NAPB: variants seen among roughly 807,000 people sequenced by gnomAD.
NAPB encodes NSF attachment protein beta, also known as beta-soluble NSF attachment protein.
Under a neutral mutation model 44.7 loss-of-function variants are expected in NAPB, and 26 were observed. The observed-to-expected ratio is 0.58, with a 90% confidence interval of 0.43 to 0.81. The LOEUF (loss-of-function observed/expected upper bound fraction) is 0.81. Ranked by LOEUF, NAPB falls within the 30% of genes least tolerant of loss-of-function variation. The pLI is 0.00. For missense variants in NAPB, 315 were observed against 356.4 expected, an observed-to-expected ratio of 0.88 and a Z score of 0.94; for synonymous variants, 120 against 116.8, an observed-to-expected ratio of 1.03 and a Z score of -0.18.
At chr20:23,412,813 C>T (rs1568622213) in intron 1 of NAPB, among the ~76,000 whole-genome samples, 1 of 152,062 alleles carries the variant, frequency 6.6e-6, no homozygotes, top group African/African-American at 2.4e-5. Context: ...CTGGCCAACA[C>T]GGTGAAACCG....
rs1279553208 is a variant in NAPB at position 23,381,333 on chromosome 20, A to G, written c.562-16T>C. 1 of 1,505,264 alleles carries G rather than the reference A, an allele frequency of 6.6e-7. No homozygotes were observed. Among genetic ancestry groups the G allele is most frequent in the Non-Finnish European group, 8.9e-7 (1 of 1,117,586 alleles). The allele number at this position is 1,505,264 out of a possible 1,614,324, so 93.2% of individuals were successfully genotyped here. A position where few individuals can be genotyped will look rare whatever the true frequency, so the allele number is the denominator to read the frequency against. On this transcript the variant is annotated splice_polypyrimidine_tract_variant and intron_variant, in intron 7 of 10. Transcript: ENST00000377026. ...TTGCCCCAACCTAGGCACAGAACGC[A>G]GAGTTAAATTTAAAAGATTTACCCT...
At position 23,381,208 on chromosome 20, in the gene NAPB, CT is replaced by C. The variant is rs1982977149; in HGVS notation, c.666+4del. 1.9e-6 allele frequency: 3 copies of C among 1,603,510 alleles called. No homozygotes were observed. Among genetic ancestry groups the C allele is most frequent in the Non-Finnish European group, 2.6e-6 (3 of 1,170,570 alleles). ...TCAGTCAATCAATGCTGAAGAACTC[CT>C]TACCTTGGCATTCAACTCGTCTACT... On this transcript the variant is annotated splice_donor_region_variant and intron_variant, in intron 8 of 10. Transcript: ENST00000377026.
At chr20:23,402,269 C>T (rs1984908146) in intron 2 of NAPB, among the ~76,000 whole-genome samples, 1 of 152,186 alleles carries the variant, frequency 6.6e-6, no homozygotes, top group African/African-American at 2.4e-5. Context: ...ACGTCCCCTG[C>T]TCTGGTCAAC....
Position 23,405,491 on chromosome 20 carries a change from G to A in NAPB, c.99-2419C>T, listed in dbSNP as rs545155197. ...AATCCCAGCGCTTTGGGAGGCTGAG[G>A]TGGGTGGATCACTTCAGGGCCAGGA... On this transcript the variant is annotated intron_variant, in intron 1 of 10. Coordinates refer to ENST00000377026, the MANE Select transcript of NAPB (RefSeq NM_022080.3). 8.5e-5 allele frequency among the ~76,000 whole-genome samples: 13 copies of A among 152,328 alleles called. No homozygotes were observed. In the East Asian group the frequency reaches 2.3e-3, roughly 27 times the overall value.
rs186132429 is a variant in NAPB, at chr20:23,383,538, T to G, written c.562-2221A>C. ...TTGTAAAACCATGGAAGCCATAAAG[T>G]GCACATTTTTGAAACTAAAGGAAAA... On this transcript the variant is annotated intron_variant, in intron 7 of 10. Coordinates refer to ENST00000377026, the MANE Select transcript of NAPB (RefSeq NM_022080.3). Among the ~76,000 whole-genome samples the G allele has an allele frequency of 2.0e-3, 298 of 152,244 alleles. 1 individual carries two copies. Among genetic ancestry groups the G allele is most frequent in the African/African-American group, 7.0e-3 (289 of 41,548 alleles).
intron 3 of NAPB, chr20:23,396,712 A>G (rs1984394226): frequency 6.5e-6 from 1 of 153,828 alleles, no homozygotes; most frequent in Non-Finnish European, 1.4e-5. Context: ...AAGGGAACAT[A>G]AGAGTTTCCT....
At chr20:23,378,862 A>G (rs1982757902) in intron 10 of NAPB, 1 of 112,716 alleles carries the variant, frequency 8.9e-6, no homozygotes, top group Admixed American at 1.0e-4. Flanking sequence ...CTCTGTCACC[A>G]GGCTGGAGTG....
chr20:23,389,478 T>C (rs564179497), intron 7 of NAPB, among the ~76,000 whole-genome samples: 22 of 152,294 alleles, frequency 1.4e-4, no homozygotes, highest in Admixed American at 9.2e-4. Context: ...AGCAGCATTA[T>C]TGATAATAGC....
intron 7 of NAPB, among the ~76,000 whole-genome samples, chr20:23,381,613 T>TA (rs1465544071): frequency 2.6e-5 from 4 of 152,142 alleles, no homozygotes; most frequent in African/African-American, 9.7e-5. Flanking sequence ...GGTCATTTTC[T>TA]AAAAAACAAA....
chr20:23,381,145 G>T, intron 8 of NAPB, 68 bp downstream of exon 8: 1 of 1,058,342 alleles, frequency 9.4e-7, no homozygotes. Flanking sequence ...ATGATACCAA[G>T]AACAAGAGAG....
At chr20:23,383,086 C>T (rs1983158383) in intron 7 of NAPB, among the ~76,000 whole-genome samples, 1 of 132,394 alleles carries the variant, frequency 7.6e-6, no homozygotes, top group Non-Finnish European at 1.5e-5. Context: ...ACCTGGGAGG[C>T]AAAGGTTGCA....
intron 2 of NAPB, among the ~76,000 whole-genome samples, chr20:23,401,233 G>C (rs1049980813): frequency 6.6e-6 from 1 of 152,156 alleles, no homozygotes. Flanking sequence ...CTCTTATTTG[G>C]AATGATATGA....
At chr20:23,384,963 A>G (rs540245203) in intron 7 of NAPB, among the ~76,000 whole-genome samples, 1 of 152,216 alleles carries the variant, frequency 6.6e-6, no homozygotes, top group South Asian at 2.1e-4. Flanking sequence ...TACTAAAAAT[A>G]CAAAAATTAG....
chr20:23,415,623 G>T (rs1985950278), intron 1 of NAPB, among the ~76,000 whole-genome samples: 1 of 152,062 alleles, frequency 6.6e-6, no homozygotes, highest in Admixed American at 6.6e-5. Flanking sequence ...TGTACTCCTT[G>T]TACTTTTCTA....
intron 1 of NAPB, among the ~76,000 whole-genome samples, chr20:23,412,910 C>A (rs778025934): frequency 2.0e-5 from 3 of 152,116 alleles, no homozygotes; most frequent in Non-Finnish European, 4.4e-5. Flanking sequence ...GCAGGAGAAT[C>A]GCTTGAACCT....
chr20:23,388,377 C>CA (rs763033413), intron 7 of NAPB, among the ~76,000 whole-genome samples: 20 of 152,120 alleles, frequency 1.3e-4, no homozygotes, highest in Admixed American at 9.2e-4. Context: ...TATCAAAATC[C>CA]AAGCTGGCTA....
intron 1 of NAPB, among the ~76,000 whole-genome samples, chr20:23,411,300 C>T (rs149372095): frequency 6.6e-6 from 1 of 152,246 alleles, no homozygotes; most frequent in African/African-American, 2.4e-5. Context: ...CATTTCTGGG[C>T]TTCCACATAA....
chr20:23,402,961 G>T (rs752302607), intron 2 of NAPB, 32 bp downstream of exon 2: 6 of 1,540,488 alleles, frequency 3.9e-6, no homozygotes, highest in Non-Finnish European at 5.4e-6. Flanking sequence ...TAAACCATTT[G>T]CCTAAAAAGC....
chr20:23,384,089 T>C (rs1266433161), intron 7 of NAPB, among the ~76,000 whole-genome samples: 4 of 152,174 alleles, frequency 2.6e-5, no homozygotes, highest in South Asian at 4.1e-4. Context: ...CAAATGTGGA[T>C]TGAAAATACA....
Sources: allele counts gnomAD v4.1 joint callset (sites outside exome capture counted in the v4.1 genomes callset), GRCh38; gene constraint gnomAD v4.1.1; transcripts MANE v1.5; gene names NCBI Gene and HGNC (gene_info 2026-07-23, HGNC 2026-07-21).